Variants in REC114 observed in about 807,000 individuals in gnomAD.
The protein encoded by REC114 is REC114 meiotic recombination protein, also known as meiotic recombination protein REC114.
REC114 carries 27 observed loss-of-function variants against 31.3 expected under a neutral mutation model. The observed-to-expected ratio is 0.86, with a 90% CI of 0.64 to 1.19. REC114 has a LOEUF of 1.19. Ranked by LOEUF, REC114 falls within the 50% of genes most tolerant of loss-of-function variation. The pLI, the probability that REC114 is intolerant of heterozygous loss-of-function variation, is 0.00. For synonymous variants in REC114, 134 were observed against 127.7 expected, an observed-to-expected ratio of 1.05 and a Z score of -0.33; for missense variants, 344 against 326.9, an observed-to-expected ratio of 1.05 and a Z score of -0.40.
chr15:73,527,370 C>G (rs191439515), intron 2 of REC114, among the ~76,000 whole-genome samples: 20 of 152,298 alleles, frequency 1.3e-4, no homozygotes, highest in Non-Finnish European at 2.4e-4. Flanking sequence ...TGTTGTCTTC[C>G]TCTCTTAAGT....
intron 1 of REC114, among the ~76,000 whole-genome samples, chr15:73,461,127 C>T (rs111844866): frequency 4.0e-5 from 6 of 151,502 alleles, no homozygotes; most frequent in Non-Finnish European, 8.8e-5. Context: ...GGAAGGTCTG[C>T]GTGTTATTGC....
At chr15:73,530,845 A>C (rs1233701014) in intron 2 of REC114, among the ~76,000 whole-genome samples, 1 of 151,936 alleles carries the variant, frequency 6.6e-6, no homozygotes, top group Non-Finnish European at 1.5e-5. Flanking sequence ...CCAGGGTCTA[A>C]TTTTTAAATA....
rs1042718971 is a variant in REC114, at chr15:73,507,564, A to T, written c.250-32921A>T. Among the ~76,000 whole-genome samples the T allele has an allele frequency of 5.9e-5, 9 of 152,202 alleles. No homozygotes were observed. The South Asian group carries it at 1.5e-3, about 25-fold the overall frequency. ...GCTGGAGGACAGAAATGAGAAGAGG[A>T]TTTACTTTCTAAAATATTTTTTACC... On this transcript the variant is annotated intron_variant, in intron 2 of 5. Transcript: ENST00000331090.
intron 2 of REC114, among the ~76,000 whole-genome samples, chr15:73,486,554 A>G (rs918294117): frequency 2.0e-5 from 3 of 152,188 alleles, no homozygotes; most frequent in African/African-American, 7.2e-5. Flanking sequence ...TACTGCTATA[A>G]CAAAATACCA....
At chr15:73,461,208 A>C (rs1318414531) in intron 1 of REC114, among the ~76,000 whole-genome samples, 1 of 151,810 alleles carries the variant, frequency 6.6e-6, no homozygotes, top group Non-Finnish European at 1.5e-5. Context: ...GCTGAATTTT[A>C]TTGTCTGGTA....
chr15:73,558,301 C>T (rs1031926990), intron 5 of REC114, among the ~76,000 whole-genome samples: 1 of 152,316 alleles, frequency 6.6e-6, no homozygotes, highest in Middle Eastern at 3.4e-3. Flanking sequence ...AATAAAACCA[C>T]CTACCTCACA....
At chr15:73,552,256 C>T (rs1446248715) in intron 4 of REC114, among the ~76,000 whole-genome samples, 1 of 152,162 alleles carries the variant, frequency 6.6e-6, no homozygotes, top group East Asian at 1.9e-4. Context: ...AATACCCCTC[C>T]CTTCTCCATC....
At chr15:73,518,338 G>A (rs1893890014) in intron 2 of REC114, among the ~76,000 whole-genome samples, 1 of 152,196 alleles carries the variant, frequency 6.6e-6, no homozygotes, top group African/African-American at 2.4e-5. Context: ...ATTGTTAGCT[G>A]TGTCTCTCCC....
chr15:73,524,973 A>G (rs773381577), intron 2 of REC114, among the ~76,000 whole-genome samples: 2 of 152,246 alleles, frequency 1.3e-5, no homozygotes, highest in Non-Finnish European at 2.9e-5. Context: ...AAGAACTGCA[A>G]CAGATGAAAC....
At chr15:73,489,615 A>T (rs1893418011) in intron 2 of REC114, among the ~76,000 whole-genome samples, 1 of 151,858 alleles carries the variant, frequency 6.6e-6, no homozygotes, top group East Asian at 1.9e-4. Context: ...TTATTAACTT[A>T]TTATGTAAAG....
chr15:73,544,515 T>C (rs922988681), intron 3 of REC114, among the ~76,000 whole-genome samples: 1 of 152,210 alleles, frequency 6.6e-6, no homozygotes, highest in Admixed American at 6.5e-5. Context: ...TGCCTACTTA[T>C]AAGGTAGGCT....
chr15:73,476,205 A>G (rs1893212380), intron 2 of REC114, among the ~76,000 whole-genome samples: 1 of 152,190 alleles, frequency 6.6e-6, no homozygotes, highest in Non-Finnish European at 1.5e-5. Flanking sequence ...TAAATATTGT[A>G]ATTTGTTTAA....
chr15:73,540,666 A>T, intron 3 of REC114, 98 bp downstream of exon 3: 1 of 1,005,840 alleles, frequency 9.9e-7, no homozygotes, highest in Non-Finnish European at 1.6e-6. Context: ...GGGTACTGGG[A>T]AGAATACAAA....
intron 5 of REC114, among the ~76,000 whole-genome samples, chr15:73,557,770 C>A (rs1176914264): frequency 1.3e-5 from 2 of 152,202 alleles, no homozygotes; most frequent in Non-Finnish European, 2.9e-5. Flanking sequence ...GAACCATATA[C>A]AAATGAGAAA....
Position 73,529,143 on chromosome 15 carries a change from A to AT in REC114, c.250-11331dup, listed in dbSNP as rs202242039. Among the ~76,000 whole-genome samples the AT allele has an allele frequency of 7.5e-3, 1,099 of 146,186 alleles. 19 individuals carry two copies. Among genetic ancestry groups the AT allele is most frequent in the African/African-American group, 0.024 (978 of 40,054 alleles). ...TTTTTATTATTTATTTATTTATTTT[A>AT]TTTTTTTTTTTGGAGACAGAGTCTC... is the stretch of plus-strand genomic sequence containing the variant. On this transcript the variant is annotated intron_variant, in intron 2 of 5. Transcript: ENST00000331090.
chr15:73,482,654 A>G (rs1472255536), intron 2 of REC114, among the ~76,000 whole-genome samples: 2 of 152,246 alleles, frequency 1.3e-5, no homozygotes, highest in Non-Finnish European at 2.9e-5. Flanking sequence ...GCTCCATGCT[A>G]TAGCATATCA....
At chr15:73,464,798 C>T (rs1052964733) in intron 1 of REC114, among the ~76,000 whole-genome samples, 1 of 152,200 alleles carries the variant, frequency 6.6e-6, no homozygotes, top group Non-Finnish European at 1.5e-5. Context: ...CCTCCTTTCT[C>T]CTGTAGGGGG....
intron 1 of REC114, among the ~76,000 whole-genome samples, chr15:73,463,231 T>TTGCGGTTTAAGAAATCAGGTTGTTC (rs1371131207): frequency 1.3e-5 from 2 of 152,190 alleles, no homozygotes; most frequent in Non-Finnish European, 2.9e-5. Context: ...TCTCTCTTCC[T>TTGCGGTTTAAGAAATCAGGTTGTTC]TGCGGTTTAA....
rs1001955789 is a variant in REC114 at position 73,534,863 on chromosome 15, G to A, written c.250-5622G>A. 9.0e-5 allele frequency among the ~76,000 whole-genome samples: 13 copies of A among 144,358 alleles called. 1 individual carries two copies. The highest frequency in any genetic ancestry group is 7.5e-4 in the Admixed American group (11 of 14,764). The allele number at this position is 144,358 out of a possible 152,430, so 94.7% of individuals were successfully genotyped here. On this transcript the variant is annotated intron_variant, in intron 2 of 5. Transcript: ENST00000331090. Reference sequence around the variant, plus strand: ...AGTGGGCTTCATCCCTGGGATGCAAGGCTGGTTCAATATACGCAAATCAAT... The same window carrying A: ...AGTGGGCTTCATCCCTGGGATGCAAAGCTGGTTCAATATACGCAAATCAAT...
Sources: gnomAD v4.1 joint callset for allele counts (sites outside exome capture counted in the v4.1 genomes callset) on GRCh38, gnomAD v4.1.1 for gene constraint, MANE v1.5 for transcripts, NCBI Gene and HGNC (gene_info 2026-07-23, HGNC 2026-07-21) for gene names.